MARCHF11: variants seen among roughly 807,000 people sequenced by gnomAD.
MARCHF11 encodes E3 ubiquitin-protein ligase MARCHF11.
MARCHF11 carries 29 observed loss-of-function variants against 37.3 expected under a neutral mutation model. The observed-to-expected ratio is 0.78, with a 90% CI of 0.58 to 1.06. The LOEUF (loss-of-function observed/expected upper bound fraction) is 1.06, where lower values mean the gene tolerates loss of function less well. MARCHF11 is among the 50% of genes least tolerant of loss of function. The pLI, the probability that MARCHF11 is intolerant of heterozygous loss-of-function variation, is 0.00. For synonymous variants in MARCHF11, 233 were observed against 228.0 expected, an observed-to-expected ratio of 1.02 and a Z score of -0.20; for missense variants, 482 against 533.4, an observed-to-expected ratio of 0.90 and a Z score of 0.95.
At position 16,179,090 on chromosome 5, in the gene MARCHF11, C is replaced by G. The variant is rs1270282529; in HGVS notation, c.486G>C (p.Gln162His). 6.7e-7 allele frequency: 1 copy of G among 1,496,232 alleles called. No homozygotes were observed. The highest frequency in any genetic ancestry group is 1.2e-5 in the South Asian group (1 of 81,590). The allele number at this position is 1,496,232 out of a possible 1,614,324, so 92.7% of individuals were successfully genotyped here. A position where few individuals can be genotyped will look rare whatever the true frequency, so the allele number is the denominator to read the frequency against. The change falls in exon 1 of 4, where the codon CAG (glutamine) becomes CAC (histidine). Residue 162 changes from glutamine to histidine, a missense_variant. Physicochemically the swap from Gln to His is conservative, Grantham distance 24 (BLOSUM62 0). Transcript: ENST00000332432. The stretch of plus-strand genomic sequence containing the variant: ...TGCAGATGGGCTGGTGGTGCTGGTG[C>G]TGGTGCCCAGCGCGCTGGTCGCCGC... ...SGGGDQRAGH[Q>H]HQHHQPICKI...
intron 2 of MARCHF11, among the ~76,000 whole-genome samples, chr5:16,153,947 C>T (rs561922450): frequency 6.6e-6 from 1 of 152,008 alleles, no homozygotes; most frequent in South Asian, 2.1e-4. Flanking sequence ...GATGTGATGT[C>T]TGGAGCTAAA....
At chr5:16,142,689 C>CTTTTTTT (rs11369577) in intron 2 of MARCHF11, among the ~76,000 whole-genome samples, 1 of 110,332 alleles carries the variant, frequency 9.1e-6, no homozygotes, top group Non-Finnish European at 1.7e-5. Flanking sequence ...TATATTTTAT[C>CTTTTTTT]TTTTTTTTTT....
chr5:16,178,520 A>T (rs1738402924), intron 1 of MARCHF11, among the ~76,000 whole-genome samples: 1 of 152,226 alleles, frequency 6.6e-6, no homozygotes, highest in South Asian at 2.1e-4. Context: ...TTGGCATAAT[A>T]GCCTTTCTTT....
chr5:16,089,092 C>G (rs991097150), intron 3 of MARCHF11, among the ~76,000 whole-genome samples: 14 of 150,036 alleles, frequency 9.3e-5, no homozygotes, highest in African/African-American at 3.5e-4. Flanking sequence ...AATGCAAGTT[C>G]TGAAATTAAA....
At chr5:16,133,455 C>T (rs1421028903) in intron 2 of MARCHF11, among the ~76,000 whole-genome samples, 4 of 152,152 alleles carry the variant, frequency 2.6e-5, no homozygotes, top group Non-Finnish European at 5.9e-5. Flanking sequence ...CATCTGACCA[C>T]AGAGGCATGA....
chr5:16,157,361 C>T (rs966087353), intron 2 of MARCHF11, among the ~76,000 whole-genome samples: 8 of 151,844 alleles, frequency 5.3e-5, no homozygotes, highest in African/African-American at 9.7e-5. Flanking sequence ...TTGTATGGAA[C>T]CATCAAAGAC....
chr5:16,097,741 C>T (rs140178584), intron 2 of MARCHF11, among the ~76,000 whole-genome samples: 77 of 152,292 alleles, frequency 5.1e-4, no homozygotes, highest in African/African-American at 1.7e-3. Flanking sequence ...ACCAGTTTCA[C>T]CAGATGTTAT....
At chr5:16,131,410 A>G (rs537625661) in intron 2 of MARCHF11, among the ~76,000 whole-genome samples, 3 of 152,248 alleles carry the variant, frequency 2.0e-5, no homozygotes, top group Admixed American at 1.3e-4. Flanking sequence ...ATTTTGAACT[A>G]GAATAAATAT....
At chr5:16,173,535 C>T (rs781473924) in intron 2 of MARCHF11, among the ~76,000 whole-genome samples, 14 of 152,138 alleles carry the variant, frequency 9.2e-5, no homozygotes, top group Admixed American at 2.0e-4. Flanking sequence ...ATCATTATAT[C>T]TCATTACACC....
At chr5:16,162,355 A>G (rs1738094891) in intron 2 of MARCHF11, among the ~76,000 whole-genome samples, 1 of 151,956 alleles carries the variant, frequency 6.6e-6, no homozygotes, top group South Asian at 2.1e-4. Flanking sequence ...GTAAATATTG[A>G]CCTCTCCAGT....
intron 2 of MARCHF11, among the ~76,000 whole-genome samples, chr5:16,143,607 G>T (rs1193232997): frequency 6.6e-6 from 1 of 152,232 alleles, no homozygotes; most frequent in Non-Finnish European, 1.5e-5. Context: ...CTAAGCAAGG[G>T]CTAGGCCCTG....
At chr5:16,126,779 T>C (rs1432556853) in intron 2 of MARCHF11, among the ~76,000 whole-genome samples, 1 of 152,204 alleles carries the variant, frequency 6.6e-6, no homozygotes, top group Non-Finnish European at 1.5e-5. Context: ...CCCTATGAAC[T>C]ACTCACCATA....
intron 2 of MARCHF11, among the ~76,000 whole-genome samples, chr5:16,150,109 T>G (rs936760093): frequency 6.7e-6 from 1 of 149,584 alleles, no homozygotes; most frequent in South Asian, 2.1e-4. Context: ...CAGGTGTACA[T>G]GTATAAAAGA....
At chr5:16,110,784 C>A (rs1477911260) in intron 2 of MARCHF11, among the ~76,000 whole-genome samples, 1 of 152,132 alleles carries the variant, frequency 6.6e-6, no homozygotes, top group South Asian at 2.1e-4. Context: ...CGAAAACTAC[C>A]AAATTATAAA....
At position 16,067,584 on chromosome 5, in the gene MARCHF11, T is replaced by G. The variant is rs920514237; in HGVS notation, c.1096A>C (p.Arg366=). The part of the protein sequence containing the change: ...LVHPTQLTSP[R]FQCGYVLLHL... ...AATAACACATAGCCACACTGAAACC[T>G]TGGTGAGGTTAACTGAGTTGGGTGG... The change falls in exon 4 of 4, where the codon AGG becomes CGG. Residue 366 remains arginine, a synonymous_variant. Coordinates refer to ENST00000332432, the MANE Select transcript of MARCHF11 (RefSeq NM_001102562.3). The G allele has an allele frequency of 1.2e-6, 2 of 1,613,982 alleles. No individual in the cohort carries two copies. Among genetic ancestry groups the G allele is most frequent in the Non-Finnish European group, 1.7e-6 (2 of 1,179,856 alleles).
intron 3 of MARCHF11, among the ~76,000 whole-genome samples, chr5:16,085,781 T>A (rs1321938511): frequency 1.3e-5 from 2 of 151,136 alleles, no homozygotes; most frequent in African/African-American, 2.4e-5. Context: ...TGAAACCCCG[T>A]CTCTACTAAA....
chr5:16,169,737 C>T (rs1053770003), intron 2 of MARCHF11, among the ~76,000 whole-genome samples: 11 of 152,080 alleles, frequency 7.2e-5, no homozygotes, highest in Admixed American at 2.6e-4. Context: ...AACCACAGTG[C>T]AGTTTTTCTT....
chr5:16,166,241 A>C (rs1482082652), intron 2 of MARCHF11, among the ~76,000 whole-genome samples: 2 of 151,986 alleles, frequency 1.3e-5, no homozygotes, highest in Non-Finnish European at 2.9e-5. Flanking sequence ...CTCATATTGC[A>C]TGTGACTATT....
chr5:16,078,128 C>T (rs577213373), intron 3 of MARCHF11, among the ~76,000 whole-genome samples: 1 of 152,270 alleles, frequency 6.6e-6, no homozygotes, highest in African/African-American at 2.4e-5. Context: ...TTTTACCAAA[C>T]AATAAATGGA....
Sources: gnomAD v4.1 joint callset for allele counts (sites outside exome capture counted in the v4.1 genomes callset) on GRCh38, gnomAD v4.1.1 for gene constraint, MANE v1.5 for transcripts, NCBI Gene and HGNC (gene_info 2026-07-23, HGNC 2026-07-21) for gene names.